The following TNNI3K variants were observed in gnomAD, a reference collection of about 807,000 sequenced individuals.
TNNI3K encodes TNNI3 interacting kinase.
In TNNI3K, 140 loss-of-function variants were observed where a neutral mutation model predicts 114.5. That is an observed-to-expected ratio of 1.22 (90% CI 1.07 to 1.41). The LOEUF (loss-of-function observed/expected upper bound fraction) is 1.41. Ranked by LOEUF, TNNI3K falls within the 40% of genes most tolerant of loss-of-function variation. TNNI3K has a pLI of 0.00. For synonymous variants in TNNI3K, 347 were observed against 347.5 expected, an observed-to-expected ratio of 1.00 and a Z score of 0.02; for missense variants, 1,125 against 1,007.6, an observed-to-expected ratio of 1.12 and a Z score of -1.58.
intron 17 of TNNI3K, among the ~76,000 whole-genome samples, chr1:74,422,675 A>G (rs992602454): frequency 2.6e-5 from 4 of 152,098 alleles, no homozygotes; most frequent in African/African-American, 9.7e-5. Context: ...TGTTTTCTTG[A>G]CTATACAGGG....
At chr1:74,411,092 T>A (rs1189708885) in intron 17 of TNNI3K, among the ~76,000 whole-genome samples, 6 of 152,208 alleles carry the variant, frequency 3.9e-5, no homozygotes, top group Non-Finnish European at 7.4e-5. Context: ...TACCATAAAA[T>A]TGAAGTTGCT....
intron 5 of TNNI3K, among the ~76,000 whole-genome samples, chr1:74,294,000 G>T (rs1657833190): frequency 1.3e-5 from 2 of 151,382 alleles, no homozygotes; most frequent in Non-Finnish European, 3.0e-5. Flanking sequence ...CATTGGTTTT[G>T]AATGCCAAAT....
At chr1:74,421,200 G>A (rs1665377912) in intron 17 of TNNI3K, among the ~76,000 whole-genome samples, 1 of 152,102 alleles carries the variant, frequency 6.6e-6, no homozygotes, top group South Asian at 2.1e-4. Context: ...CTGCCAGCAT[G>A]AATAACGTTT....
At chr1:74,521,393 G>A (rs891929140) in intron 23 of TNNI3K, among the ~76,000 whole-genome samples, 3 of 151,968 alleles carry the variant, frequency 2.0e-5, no homozygotes, top group African/African-American at 4.8e-5. Flanking sequence ...ACAATACCTG[G>A]CACATAGTTA....
chr1:74,529,525 CT>C (rs1184824387), intron 23 of TNNI3K, among the ~76,000 whole-genome samples: 1 of 152,150 alleles, frequency 6.6e-6, no homozygotes, highest in African/African-American at 2.4e-5. Flanking sequence ...GAATTAGATT[CT>C]TTTGCTATAA....
At chr1:74,480,653 C>T (rs879127983) in intron 21 of TNNI3K, 2 of 717,256 alleles carry the variant, frequency 2.8e-6, no homozygotes, top group South Asian at 1.5e-5. Context: ...CAGCTGGAGC[C>T]GGGTCAGGCC....
At chr1:74,517,083 TC>T (rs1646359858) in intron 23 of TNNI3K, among the ~76,000 whole-genome samples, 1 of 152,154 alleles carries the variant, frequency 6.6e-6, no homozygotes, top group African/African-American at 2.4e-5. Context: ...ATTCAGCTTT[TC>T]CCCCACCCCT....
At chr1:74,247,989 C>T (rs528726867) in intron 2 of TNNI3K, among the ~76,000 whole-genome samples, 1 of 152,132 alleles carries the variant, frequency 6.6e-6, no homozygotes, top group East Asian at 1.9e-4. Context: ...GCCTGGGAGC[C>T]CACGGGGGTA....
At chr1:74,453,146 C>G (rs1042600550) in intron 20 of TNNI3K, among the ~76,000 whole-genome samples, 2 of 152,026 alleles carry the variant, frequency 1.3e-5, no homozygotes, top group Non-Finnish European at 2.9e-5. Context: ...AAAAATGTCC[C>G]TGAGATTTTA....
chr1:74,538,644 CA>C, intron 23 of TNNI3K, among the ~76,000 whole-genome samples: 1 of 152,252 alleles, frequency 6.6e-6, no homozygotes, highest in East Asian at 1.9e-4. Flanking sequence ...GAATGGTGGT[CA>C]GGATCTATTC....
chr1:74,451,038 G>C (rs961478287), intron 20 of TNNI3K, among the ~76,000 whole-genome samples: 3 of 152,256 alleles, frequency 2.0e-5, no homozygotes, highest in South Asian at 4.2e-4. Context: ...GGAAAATGTG[G>C]TACATATACA....
At chr1:74,434,386 C>T (rs1207430710) in intron 17 of TNNI3K, among the ~76,000 whole-genome samples, 1 of 152,002 alleles carries the variant, frequency 6.6e-6, no homozygotes, top group African/African-American at 2.4e-5. Context: ...TTGTCTCTTC[C>T]AGCCTCATCT....
chr1:74,310,958 C>T (rs1318262733), intron 5 of TNNI3K, among the ~76,000 whole-genome samples: 1 of 152,158 alleles, frequency 6.6e-6, no homozygotes, highest in Non-Finnish European at 1.5e-5. Context: ...ACTGTACTTT[C>T]CTCTCAGTAC....
Position 74,489,172 on chromosome 1 carries a change from C to A in TNNI3K, c.2122-17C>A, listed in dbSNP as rs201140407. 1.2e-6 allele frequency: 2 copies of A among 1,601,808 alleles called. No homozygotes were observed. Among genetic ancestry groups the A allele is most frequent in the Non-Finnish European group, 1.7e-6 (2 of 1,175,720 alleles). ...CTTTTATTCTTAAGGGAAAAAAGTT[C>A]TTTTTTCTATTTACAGGGAAGACCC... On this transcript the variant is annotated splice_polypyrimidine_tract_variant and intron_variant, in intron 21 of 24. Transcript: ENST00000326637.
At chr1:74,317,596 G>C (rs1277714605) in intron 5 of TNNI3K, among the ~76,000 whole-genome samples, 1 of 152,170 alleles carries the variant, frequency 6.6e-6, no homozygotes, top group African/African-American at 2.4e-5. Flanking sequence ...TGGTGGAATG[G>C]AAGCCTAGAG....
chr1:74,256,330 G>T, intron 4 of TNNI3K, among the ~76,000 whole-genome samples: 1 of 61,680 alleles, frequency 1.6e-5, no homozygotes. Flanking sequence ...TATTCTATTG[G>T]ATGAATTTTA....
chr1:74,479,068 G>A (rs1315086248), intron 21 of TNNI3K, among the ~76,000 whole-genome samples: 1 of 152,132 alleles, frequency 6.6e-6, no homozygotes, highest in Non-Finnish European at 1.5e-5. Flanking sequence ...TAATTCACTA[G>A]ATAACTGTTA....
At chr1:74,489,123 T>C (rs1365161202) in intron 21 of TNNI3K, 66 bp from the exon 22 acceptor site, 2 of 1,403,892 alleles carry the variant, frequency 1.4e-6, no homozygotes, top group East Asian at 2.3e-5. Context: ...TACCCAATTT[T>C]AACATCCAAA....
chr1:74,543,215 C>G lies in TNNI3K; in HGVS notation c.2432-691C>G, dbSNP rs142177208. 8.1e-3 allele frequency among the ~76,000 whole-genome samples: 1,228 copies of G among 151,792 alleles called. 21 individuals carry two copies. The highest frequency in any genetic ancestry group is 0.027 in the African/African-American group (1,124 of 41,406). On this transcript the variant is annotated intron_variant, in intron 24 of 24. Transcript: ENST00000326637. ...TCAGCCTCCTGAGTAGCTGAGACTACAGGCACATGCCACCACACCCGGCTA... is the reference window on the plus strand; with the variant it reads ...TCAGCCTCCTGAGTAGCTGAGACTAGAGGCACATGCCACCACACCCGGCTA...
Sources: gnomAD v4.1 joint callset for allele counts (sites outside exome capture counted in the v4.1 genomes callset) on GRCh38, gnomAD v4.1.1 for gene constraint, MANE v1.5 for transcripts, NCBI Gene and HGNC (gene_info 2026-07-23, HGNC 2026-07-21) for gene names.